The following ST8SIA6 variants were observed in gnomAD, a reference collection of about 807,000 sequenced individuals.
ST8SIA6 encodes alpha-2,8-sialyltransferase 8F.
Under a neutral mutation model 33.6 loss-of-function variants are expected in ST8SIA6, and 39 were observed. That is an observed-to-expected ratio of 1.16 (90% CI 0.90 to 1.52). The LOEUF (loss-of-function observed/expected upper bound fraction) is 1.52. Ranked by LOEUF, ST8SIA6 falls within the 40% of genes most tolerant of loss-of-function variation. The pLI, the probability that ST8SIA6 is intolerant of heterozygous loss-of-function variation, is 0.00. For missense variants in ST8SIA6, 441 were observed against 443.8 expected (o/e 0.99, Z 0.06); for synonymous variants, 172 against 167.2 (o/e 1.03, Z -0.22).
chr10:17,399,127 G>C (rs946548770), intron 2 of ST8SIA6: 1 of 152,150 alleles, frequency 6.6e-6, no homozygotes, highest in Non-Finnish European at 1.5e-5. Context: ...TCAAGTCACG[G>C]CGCCTACAAA....
intron 4 of ST8SIA6, among the ~76,000 whole-genome samples, chr10:17,337,070 T>A (rs566547088): frequency 6.6e-6 from 1 of 152,192 alleles, no homozygotes; most frequent in Admixed American, 6.5e-5. Context: ...GGGGGTGGAT[T>A]TCCCCCTAGC....
chr10:17,431,886 G>A (rs1253338747), intron 2 of ST8SIA6, among the ~76,000 whole-genome samples: 1 of 151,010 alleles, frequency 6.6e-6, no homozygotes, highest in Non-Finnish European at 1.5e-5. Context: ...ATAAGAACAA[G>A]TACTGTGAAA....
At chr10:17,331,888 C>T (rs2120715) in intron 4 of ST8SIA6, among the ~76,000 whole-genome samples, 2 of 151,996 alleles carry the variant, frequency 1.3e-5, no homozygotes, top group African/African-American at 4.8e-5. Flanking sequence ...CCTATTAACC[C>T]GTCATCTAGG....
At chr10:17,345,077 G>A (rs866886162) in intron 4 of ST8SIA6, among the ~76,000 whole-genome samples, 5 of 152,136 alleles carry the variant, frequency 3.3e-5, no homozygotes, top group African/African-American at 4.8e-5. Context: ...ACACGGTGCC[G>A]TCAGTCTACA....
At chr10:17,413,784 A>C (rs560857999) in intron 2 of ST8SIA6, among the ~76,000 whole-genome samples, 1 of 152,234 alleles carries the variant, frequency 6.6e-6, no homozygotes. Flanking sequence ...AAAGAAATCA[A>C]GATCTGTTTT....
At chr10:17,323,196 T>C (rs750134634) in intron 6 of ST8SIA6, 39 bp from the exon 7 acceptor site, 3 of 1,567,886 alleles carry the variant, frequency 1.9e-6, no homozygotes, top group Non-Finnish European at 2.6e-6. Flanking sequence ...AAATAGAACT[T>C]GTAGAAAAAA....
At chr10:17,441,304 CTTTA>C (rs34815790) in intron 2 of ST8SIA6, among the ~76,000 whole-genome samples, 15 of 148,224 alleles carry the variant, frequency 1.0e-4, no homozygotes, top group Admixed American at 2.0e-4. Context: ...TCTAAATTAT[CTTTA>C]TTTATTTATT....
intron 3 of ST8SIA6, among the ~76,000 whole-genome samples, chr10:17,368,256 A>C (rs796815933): frequency 2.0e-5 from 3 of 147,180 alleles, no homozygotes; most frequent in African/African-American, 7.5e-5. Context: ...AAAAAAAAAA[A>C]AATTACAAAA....
chr10:17,332,061 G>T (rs1848320070), intron 4 of ST8SIA6, among the ~76,000 whole-genome samples: 1 of 152,140 alleles, frequency 6.6e-6, no homozygotes, highest in Admixed American at 6.5e-5. Flanking sequence ...TTCTGTTCCT[G>T]TGTCAGTTTG....
intron 3 of ST8SIA6, among the ~76,000 whole-genome samples, chr10:17,373,212 A>C (rs988440768): frequency 2.0e-5 from 3 of 152,172 alleles, no homozygotes; most frequent in Non-Finnish European, 2.9e-5. Context: ...AGCAGATCTT[A>C]CACCAATTTC....
In ST8SIA6 at chr10:17,454,197, AG is replaced by A; in HGVS notation, c.58del (p.Leu20CysfsTer32). 4.4e-6 allele frequency: 1 copy of A among 227,596 alleles called. No individual in the cohort carries two copies. The allele number at this position is 227,596 out of a possible 1,614,324, so 14.1% of individuals were successfully genotyped here. The stretch of plus-strand genomic sequence containing the variant: ...GTCTGCCGGGCACCAGAGCAGGCGC[AG>A]CAGCAGCAGCAGCAGCAGGCTGGCG... ...LLASLLLLLL[L>X]RLLWCPADAP... On this transcript the variant is annotated frameshift_variant, in exon 1 of 8. Transcript: ENST00000377602. LOFTEE classifies it high-confidence loss of function. The surrounding 1 kb of genome is among the most constrained non-coding windows in gnomAD (Gnocchi z 4.1).
intron 4 of ST8SIA6, among the ~76,000 whole-genome samples, chr10:17,333,276 T>C (rs7078020): frequency 0.015 from 2,317 of 152,158 alleles, 54 homozygotes; most frequent in African/African-American, 0.048. Flanking sequence ...TCTATCCTCA[T>C]GGATAGAAAG....
chr10:17,427,199 T>C (rs1036715909), intron 2 of ST8SIA6, among the ~76,000 whole-genome samples: 1 of 152,060 alleles, frequency 6.6e-6, no homozygotes, highest in Non-Finnish European at 1.5e-5. Context: ...TGATCAAAGA[T>C]ACTGCTAATA....
chr10:17,445,730 T>C (rs1034441565), intron 2 of ST8SIA6, among the ~76,000 whole-genome samples: 2 of 152,144 alleles, frequency 1.3e-5, no homozygotes, highest in Admixed American at 6.6e-5. Flanking sequence ...TACTACATAA[T>C]ACAGCAACAC....
At chr10:17,376,064 C>A in intron 3 of ST8SIA6, among the ~76,000 whole-genome samples, 1 of 152,204 alleles carries the variant, frequency 6.6e-6, no homozygotes, top group Non-Finnish European at 1.5e-5. Context: ...ACACCCACCG[C>A]ACATCAGTGC....
chr10:17,361,605 C>T (rs1394283819), intron 3 of ST8SIA6, among the ~76,000 whole-genome samples: 1 of 149,748 alleles, frequency 6.7e-6, no homozygotes, highest in South Asian at 2.1e-4. Context: ...AATATTAATA[C>T]CAATTGTATG....
chr10:17,418,662 A>G (rs1245249677), intron 2 of ST8SIA6, among the ~76,000 whole-genome samples: 1 of 152,296 alleles, frequency 6.6e-6, no homozygotes, highest in Admixed American at 6.5e-5. Flanking sequence ...ATGGCCTCCA[A>G]TTGTTATCAT....
intron 2 of ST8SIA6, among the ~76,000 whole-genome samples, chr10:17,442,160 C>T (rs1221336291): frequency 1.3e-5 from 2 of 152,254 alleles, no homozygotes; most frequent in African/African-American, 4.8e-5. Context: ...GGCCACTGCA[C>T]TCGGCCAAAA....
rs563669717 is a variant in ST8SIA6 at position 17,328,984 on chromosome 10, G to A, written c.523-1858C>T. Reference sequence around the variant, plus strand: ...AGGCACATCGCCCTTGTCAAAGTCAGTTTACCAGCCCAACTGACAACAGCC... The same window carrying A: ...AGGCACATCGCCCTTGTCAAAGTCAATTTACCAGCCCAACTGACAACAGCC... On this transcript the variant is annotated intron_variant, in intron 5 of 7. Coordinates refer to ENST00000377602, the MANE Select transcript of ST8SIA6 (RefSeq NM_001004470.3). Among the ~76,000 whole-genome samples the A allele has an allele frequency of 2.6e-5, 4 of 152,264 alleles. No homozygotes were observed. The South Asian group carries it at 8.3e-4, about 32-fold the overall frequency.
Sources: gnomAD v4.1 joint callset for allele counts (sites outside exome capture counted in the v4.1 genomes callset) on GRCh38, gnomAD v4.1.1 for gene constraint, Gnocchi (gnomAD v3.1) non-coding constraint, MANE v1.5 for transcripts, NCBI Gene and HGNC (gene_info 2026-07-23, HGNC 2026-07-21) for gene names.